Variants in COMMD1 observed in about 807,000 individuals in gnomAD.
The protein encoded by COMMD1 is COMM domain-containing protein 1.
Under a neutral mutation model 17.2 loss-of-function variants are expected in COMMD1, and 10 were observed. The ratio of observed to expected loss-of-function variants is 0.58; its 90% CI spans 0.36 to 0.99. The LOEUF is 0.99. Among genes scored for constraint, COMMD1 ranks in the 50% least tolerant of loss-of-function variants. The probability of loss-of-function intolerance (pLI) is 0.01; values close to 1 mark genes in which losing one functional copy is unlikely to be tolerated. For missense variants in COMMD1, 270 were observed against 231.8 expected (o/e 1.17, Z -1.07); for synonymous variants, 97 against 91.6 (o/e 1.06, Z -0.34).
chr2:62,100,863 G>A (rs564573684), intron 2 of COMMD1, among the ~76,000 whole-genome samples: 2 of 152,304 alleles, frequency 1.3e-5, no homozygotes, highest in Admixed American at 1.3e-4. Context: ...CTTTACAGAT[G>A]CAGGTTTTCA....
At chr2:62,101,387 A>C (rs747528921) in intron 2 of COMMD1, among the ~76,000 whole-genome samples, 2 of 152,142 alleles carry the variant, frequency 1.3e-5, no homozygotes, top group Non-Finnish European at 2.9e-5. Flanking sequence ...AGATGGGAGG[A>C]TCACTTCAGC....
chr2:61,923,268 A>G (rs1670242341), intron 1 of COMMD1, among the ~76,000 whole-genome samples: 1 of 152,174 alleles, frequency 6.6e-6, no homozygotes, highest in Non-Finnish European at 1.5e-5. Flanking sequence ...AAACTAAATG[A>G]TGGATGATGC....
At chr2:61,969,896 T>G (rs1411184557) in intron 1 of COMMD1, among the ~76,000 whole-genome samples, 3 of 151,428 alleles carry the variant, frequency 2.0e-5, no homozygotes, top group African/African-American at 7.3e-5. Context: ...CAGCAATATG[T>G]TTTTTTTCTT....
chr2:61,910,304 G>A (rs999860167), intron 1 of COMMD1, among the ~76,000 whole-genome samples: 3 of 151,632 alleles, frequency 2.0e-5, no homozygotes, highest in Admixed American at 1.3e-4. Context: ...AGGCTGGAGT[G>A]CGGTGGCTCG....
chr2:61,888,598 G>T, upstream of COMMD1: 3 of 1,446,676 alleles, frequency 2.1e-6, no homozygotes, highest in Non-Finnish European at 2.8e-6. Context: ...AGCCCTCACT[G>T]CCTTCACGAA....
chr2:61,918,191 A>C (rs906660064), intron 1 of COMMD1, among the ~76,000 whole-genome samples: 3 of 152,316 alleles, frequency 2.0e-5, no homozygotes, highest in Non-Finnish European at 4.4e-5. Flanking sequence ...AAGATGTCTA[A>C]ATATTTGACT....
chr2:62,019,038 C>CCTCCCTCCCTCCCTCCCTCT (rs1260053238), intron 2 of COMMD1, among the ~76,000 whole-genome samples: 3 of 144,408 alleles, frequency 2.1e-5, no homozygotes, highest in African/African-American at 8.1e-5. Flanking sequence ...TCCCTCCCTC[C>CCTCCCTCCCTCCCTCCCTCT]CTCCCTCCTT....
chr2:62,109,919 C>CTTTTTTTTTTTTTTTT (rs11345736), intron 2 of COMMD1, among the ~76,000 whole-genome samples: 1 of 73,854 alleles, frequency 1.4e-5, no homozygotes, highest in Non-Finnish European at 2.4e-5. Flanking sequence ...TTATCTTGAT[C>CTTTTTTTTTTTTTTTT]TTTTTTTTTT....
At chr2:61,998,078 A>G (rs1668813425) in intron 1 of COMMD1, among the ~76,000 whole-genome samples, 1 of 152,124 alleles carries the variant, frequency 6.6e-6, no homozygotes, top group Admixed American at 6.5e-5. Flanking sequence ...CTTGCTTCAA[A>G]CTTTTCTTCT....
intron 2 of COMMD1, among the ~76,000 whole-genome samples, chr2:62,030,464 G>C (rs909204078): frequency 1.3e-5 from 2 of 152,094 alleles, no homozygotes; most frequent in Admixed American, 1.3e-4. Flanking sequence ...CAGCATCGCA[G>C]GTCTCTAGCC....
At chr2:62,090,471 T>C (rs1306365068) in intron 2 of COMMD1, among the ~76,000 whole-genome samples, 1 of 152,126 alleles carries the variant, frequency 6.6e-6, no homozygotes, top group Non-Finnish European at 1.5e-5. Context: ...TCCATAGATA[T>C]AACATCCTGA....
intron 1 of COMMD1, among the ~76,000 whole-genome samples, chr2:61,959,340 A>G (rs1671280498): frequency 6.6e-6 from 1 of 152,222 alleles, no homozygotes. Context: ...TGTTCAATGG[A>G]AACCTTAATA....
chr2:61,933,644 A>G (rs1294787489), intron 1 of COMMD1, among the ~76,000 whole-genome samples: 1 of 152,158 alleles, frequency 6.6e-6, no homozygotes, highest in Non-Finnish European at 1.5e-5. Flanking sequence ...GGCTCTCACC[A>G]GGTACAGCCC....
intron 1 of COMMD1, among the ~76,000 whole-genome samples, chr2:61,980,826 C>T (rs113075015): frequency 1.2e-4 from 18 of 152,180 alleles, no homozygotes; most frequent in African/African-American, 3.1e-4. Context: ...TCCTTGCCCA[C>T]GCCTATGGAT....
chr2:62,003,113 A>G (rs550824103), intron 2 of COMMD1, among the ~76,000 whole-genome samples: 1 of 152,052 alleles, frequency 6.6e-6, no homozygotes, highest in South Asian at 2.1e-4. Context: ...GGCACCTGTA[A>G]TCCTAGCTAC....
intron 2 of COMMD1, among the ~76,000 whole-genome samples, chr2:62,092,228 A>G (rs751853844): frequency 5.3e-5 from 8 of 152,232 alleles, no homozygotes; most frequent in African/African-American, 9.6e-5. Context: ...AAGAGAGTGC[A>G]TCGATCCCAA....
intron 1 of COMMD1, among the ~76,000 whole-genome samples, chr2:61,895,164 A>G (rs1299255482): frequency 2.6e-5 from 4 of 152,338 alleles, no homozygotes; most frequent in Admixed American, 2.6e-4. Context: ...AAAGTGAGAG[A>G]TTTAAGACAG....
chr2:61,951,321 A>G (rs1671047575), intron 1 of COMMD1, among the ~76,000 whole-genome samples: 1 of 152,128 alleles, frequency 6.6e-6, no homozygotes, highest in African/African-American at 2.4e-5. Context: ...AAAATTAGGC[A>G]TGGTGGCGCG....
At chr2:61,969,539 T>C (rs1671592531) in intron 1 of COMMD1, among the ~76,000 whole-genome samples, 1 of 152,244 alleles carries the variant, frequency 6.6e-6, no homozygotes, top group East Asian at 1.9e-4. Flanking sequence ...TTGACAGAAC[T>C]GTTGACAAGT....
Sources: gnomAD v4.1 joint callset for allele counts (sites outside exome capture counted in the v4.1 genomes callset) on GRCh38, gnomAD v4.1.1 for gene constraint, MANE v1.5 for transcripts, NCBI Gene and HGNC (gene_info 2026-07-23, HGNC 2026-07-21) for gene names.